PTTG1IP: variants seen among roughly 807,000 people sequenced by gnomAD.
PTTG1IP encodes the protein pituitary tumor-transforming gene 1 protein-interacting protein.
In PTTG1IP, 16 loss-of-function variants were observed where a neutral mutation model predicts 24.4. The ratio of observed to expected loss-of-function variants is 0.66; its 90% CI spans 0.44 to 1.00. The LOEUF is 1.00. Among genes scored for constraint, PTTG1IP ranks in the 50% least tolerant of loss-of-function variants. PTTG1IP has a pLI of 0.00. For synonymous variants in PTTG1IP, 89 were observed against 96.8 expected, an observed-to-expected ratio of 0.92 and a Z score of 0.47; for missense variants, 241 against 245.8, an observed-to-expected ratio of 0.98 and a Z score of 0.13.
intron 3 of PTTG1IP, among the ~76,000 whole-genome samples, chr21:44,860,476 C>CTG (rs3052836): frequency 0.71 from 108,204 of 151,900 alleles, 39,708 homozygotes; most frequent in African/African-American, 0.9. Context: ...AAAAAGAGGG[C>CTG]TGTCTACGCA....
chr21:44,873,385 TG>T, intron 1 of PTTG1IP, 116 bp downstream of exon 1: 1 of 1,031,914 alleles, frequency 9.7e-7, no homozygotes. Flanking sequence ...CCTGCGACCG[TG>T]GGCCCAGGCC....
intron 3 of PTTG1IP, among the ~76,000 whole-genome samples, chr21:44,860,457 C>A (rs191289113): frequency 1.1e-5 from 1 of 92,182 alleles, no homozygotes; most frequent in Non-Finnish European, 2.0e-5. Flanking sequence ...TACAAAGATA[C>A]GCACACAAAA....
intron 4 of PTTG1IP, among the ~76,000 whole-genome samples, 195 bp downstream of exon 4, chr21:44,855,998 G>T (rs746767498): frequency 5.9e-5 from 9 of 152,186 alleles, no homozygotes; most frequent in Non-Finnish European, 1.2e-4. Flanking sequence ...TAGAAGCAAG[G>T]TTCGCAGCCA....
In PTTG1IP at chr21:44,851,493, A is replaced by C; in HGVS notation, c.*88T>G. ...CAGGTTCACTGGCCAAGGTCAGGAG[A>C]CCGCAATGGCCACGTGGTCTCCCGG... On this transcript the variant is annotated 3_prime_UTR_variant, in exon 6 of 6. Transcript: ENST00000330938. 1 of 1,613,444 alleles carries C rather than the reference A, an allele frequency of 6.2e-7. No homozygotes were observed.
At chr21:44,856,489 G>T in intron 3 of PTTG1IP, 125 bp from the exon 4 acceptor site, 1 of 1,105,394 alleles carries the variant, frequency 9.0e-7, no homozygotes, top group Non-Finnish European at 1.3e-6. Context: ...AGCCGCCTCG[G>T]CCAGGCTGCT....
At chr21:44,870,251 A>C (rs544029442) in intron 1 of PTTG1IP, among the ~76,000 whole-genome samples, 1 of 152,238 alleles carries the variant, frequency 6.6e-6, no homozygotes, top group Non-Finnish European at 1.5e-5. Flanking sequence ...GCATAGTAAG[A>C]AAAGAAAGGC....
chr21:44,869,417 G>C (rs2083566946), intron 1 of PTTG1IP, among the ~76,000 whole-genome samples: 1 of 152,138 alleles, frequency 6.6e-6, no homozygotes, highest in Non-Finnish European at 1.5e-5. Flanking sequence ...AAATGGTTTG[G>C]TCAAAATAAC....
At chr21:44,866,031 C>A (rs919235933) in intron 1 of PTTG1IP, 1 of 178,218 alleles carries the variant, frequency 5.6e-6, no homozygotes, top group Non-Finnish European at 1.2e-5. Flanking sequence ...CACCAGCCTG[C>A]TCCAACCACA....
intron 3 of PTTG1IP, among the ~76,000 whole-genome samples, chr21:44,860,754 A>T (rs1252476196): frequency 6.6e-6 from 1 of 152,172 alleles, no homozygotes; most frequent in Admixed American, 6.5e-5. Context: ...TGGGAGTCAC[A>T]GAGCTACTGG....
intron 1 of PTTG1IP, chr21:44,873,040 C>CT (rs2083602707): frequency 6.6e-6 from 1 of 152,320 alleles, no homozygotes. Context: ...GCCGCGGCCC[C>CT]ATCACCCTGC....
chr21:44,856,308 C>T lies in PTTG1IP; in HGVS notation c.334G>A (p.Gly112Ser). 1.9e-6 allele frequency: 3 copies of T among 1,614,156 alleles called. No individual in the cohort carries two copies. Among genetic ancestry groups the T allele is most frequent in the Admixed American group, 1.7e-5 (1 of 60,024 alleles). ...CAGCAGCAGCAGCAGATGGCAATGCCCAGGAGGAGGGTTCCCCCGACTACC... is the reference window on the plus strand; with the variant it reads ...CAGCAGCAGCAGCAGATGGCAATGCTCAGGAGGAGGGTTCCCCCGACTACC... Reference protein sequence around the residue: ...MSVVGGTLLLGIAICCCCCCR... With the variant: ...MSVVGGTLLLSIAICCCCCCR... The change falls in exon 4 of 6, where the codon GGC (glycine) becomes AGC (serine). Residue 112 changes from glycine to serine, a missense_variant. Gly to Ser is a moderately conservative substitution (Grantham distance 56). Coordinates refer to ENST00000330938, the MANE Select transcript of PTTG1IP (RefSeq NM_004339.4).
At chr21:44,861,663 T>C (rs1180543498) in intron 2 of PTTG1IP, 3 of 712,028 alleles carry the variant, frequency 4.2e-6, no homozygotes, top group Non-Finnish European at 7.8e-6. Context: ...CCCCACTGAC[T>C]GGATGGGCCC....
At chr21:44,853,443 G>A (rs11701875) in intron 5 of PTTG1IP, among the ~76,000 whole-genome samples, 1 of 149,852 alleles carries the variant, frequency 6.7e-6, no homozygotes, top group Non-Finnish European at 1.5e-5. Context: ...GGGAGGCAGA[G>A]CTTGCAGTGA....
chr21:44,851,371 A>G lies in PTTG1IP; in HGVS notation c.*210T>C, dbSNP rs1051411851. On this transcript the variant is annotated 3_prime_UTR_variant, in exon 6 of 6. Coordinates refer to ENST00000330938, the MANE Select transcript of PTTG1IP (RefSeq NM_004339.4). ...TCTTATTTCAAGTGACTAAATCTAG[A>G]AACAGAGATGAACAGGGAATAGAAG... is the stretch of plus-strand genomic sequence containing the variant. 1 of 1,517,624 alleles carries G rather than the reference A, an allele frequency of 6.6e-7. No individual in the cohort carries two copies. The highest frequency in any genetic ancestry group is 8.9e-7 in the Non-Finnish European group (1 of 1,129,096). The allele number at this position is 1,517,624 out of a possible 1,614,324, so 94.0% of individuals were successfully genotyped here. A position where few individuals can be genotyped will look rare whatever the true frequency, so the allele number is the denominator to read the frequency against.
At position 44,866,635 on chromosome 21, in the gene PTTG1IP, A is replaced by AACAC. The variant is rs149247797; in HGVS notation, c.116-1192_116-1189dup. Among the ~76,000 whole-genome samples, 734 of 109,994 alleles carry AACAC rather than the reference A, an allele frequency of 6.7e-3. 28 individuals are homozygous for AACAC. Among genetic ancestry groups the AACAC allele is most frequent in the African/African-American group, 0.023 (669 of 28,546 alleles). The allele number at this position is 109,994 out of a possible 152,430, so 72.2% of individuals were successfully genotyped here. ...AGACTGCGTACTCCCCCAATCCCGT[A>AACAC]ACACACACACACACACACACACAGA... On this transcript the variant is annotated intron_variant, in intron 1 of 5. Coordinates refer to ENST00000330938, the MANE Select transcript of PTTG1IP (RefSeq NM_004339.4).
chr21:44,864,546 GCCA>G (rs1207343669), intron 2 of PTTG1IP, among the ~76,000 whole-genome samples: 33 of 152,168 alleles, frequency 2.2e-4, no homozygotes, highest in Admixed American at 2.2e-3. Flanking sequence ...ACAGGCACCC[GCCA>G]CCACGCCTAG....
intron 1 of PTTG1IP, among the ~76,000 whole-genome samples, chr21:44,866,398 C>G (rs1239480529): frequency 1.0e-5 from 1 of 99,956 alleles, no homozygotes; most frequent in Non-Finnish European, 2.0e-5. Context: ...CACACACACA[C>G]AGAGACTGCC....
At chr21:44,871,944 T>C (rs2083589588) in intron 1 of PTTG1IP, among the ~76,000 whole-genome samples, 1 of 152,206 alleles carries the variant, frequency 6.6e-6, no homozygotes, top group Non-Finnish European at 1.5e-5. Context: ...ACACACCGAA[T>C]GGCAGTTCCG....
At chr21:44,872,911 G>A (rs2083600764) in intron 1 of PTTG1IP, 2 of 152,448 alleles carry the variant, frequency 1.3e-5, no homozygotes, top group Admixed American at 1.3e-4. Context: ...AGATGCTACA[G>A]CCTGGCTTTG....
Sources: gnomAD v4.1 joint callset for allele counts (sites outside exome capture counted in the v4.1 genomes callset) on GRCh38, gnomAD v4.1.1 for gene constraint, MANE v1.5 for transcripts, NCBI Gene and HGNC (gene_info 2026-07-23, HGNC 2026-07-21) for gene names.